The following COL18A1 variants were observed in gnomAD, a reference collection of about 807,000 sequenced individuals.
COL18A1 encodes the protein collagen type XVIII alpha 1 chain, also known as collagen alpha-1(XVIII) chain.
COL18A1 carries 133 observed loss-of-function variants against 168.0 expected under a neutral mutation model. That is an observed-to-expected ratio of 0.79 (90% CI 0.69 to 0.91). COL18A1 has a LOEUF of 0.91. Ranked by LOEUF, COL18A1 falls within the 40% of genes least tolerant of loss-of-function variation. The pLI, the probability that COL18A1 is intolerant of heterozygous loss-of-function variation, is 0.00. For missense variants in COL18A1, 2,126 were observed against 1,925.4 expected, an observed-to-expected ratio of 1.10 and a Z score of -1.95; for synonymous variants, 949 against 809.0, an observed-to-expected ratio of 1.17 and a Z score of -2.94.
At chr21:45,495,820 C>T (rs1408151819) in intron 29 of COL18A1, 9 of 336,408 alleles carry the variant, frequency 2.7e-5, no homozygotes, top group East Asian at 2.3e-4. Context: ...AGCCTGTCCA[C>T]GTGCACACCC....
rs146971379 is a variant in COL18A1 at position 45,504,800 on chromosome 21, G to A, written c.2868+244G>A. On this transcript the variant is annotated intron_variant, in intron 34 of 41. Transcript: ENST00000651438. ...TGGCCTGCCCTCCTGCTGGGGCCAC[G>A]TGCATCCACCTCTGCTCCTGGGCCG... Among the ~76,000 whole-genome samples the A allele has an allele frequency of 2.0e-3, 297 of 152,206 alleles. 1 individual carries two copies. Among genetic ancestry groups the A allele is most frequent in the African/African-American group, 6.7e-3 (277 of 41,508 alleles).
Position 45,425,248 on chromosome 21 carries a change from C to T in COL18A1, c.106+19775C>T. Among the ~76,000 whole-genome samples, 1 of 152,190 alleles carries T rather than the reference C, an allele frequency of 6.6e-6. No individual in the cohort carries two copies. The highest frequency in any genetic ancestry group is 1.9e-4 in the East Asian group (1 of 5,188). On this transcript the variant is annotated intron_variant, in intron 2 of 41. Coordinates refer to ENST00000651438, the MANE Select transcript of COL18A1 (RefSeq NM_001379500.1). The surrounding 1 kb of genome is among the most constrained non-coding windows in gnomAD (Gnocchi z 4.1). ...GTGCAGTGTGACCGCGTCCGCCCGT[C>T]TCCCCGGACACGCCTGTTGGAGCCC...
chr21:45,512,446 A>G lies in COL18A1; in HGVS notation c.*48A>G. On this transcript the variant is annotated 3_prime_UTR_variant, in exon 42 of 42. Transcript: ENST00000651438. ...CGGAGAGGACCGGCGGCTCGGAGGA[A>G]GCCCCCACCGTGGGCAGGGAGCGGC... 1 of 1,575,248 alleles carries G rather than the reference A, an allele frequency of 6.3e-7. No individual in the cohort carries two copies. Among genetic ancestry groups the G allele is most frequent in the Non-Finnish European group, 8.6e-7 (1 of 1,159,812 alleles).
chr21:45,442,688 T>C (rs1372490461), intron 2 of COL18A1, among the ~76,000 whole-genome samples: 5 of 104,886 alleles, frequency 4.8e-5, no homozygotes, highest in African/African-American at 1.9e-4. Flanking sequence ...TGGGCGGTGG[T>C]GGTGCTGGTG....
Position 45,476,388 on chromosome 21 carries a change from C to G in COL18A1, c.836C>G (p.Pro279Arg), listed in dbSNP as rs375411877. ...AAACCCAGGCTCCCCGCGCCACCCC[C>G]CGTCACCACGCCACCCTTGGCTGGA... ...ALKPRLPAPPPVTTPPLAGGS... is the reference protein window; with the variant it reads ...ALKPRLPAPPRVTTPPLAGGS... Residue 279 changes from proline (P) to arginine (R), a missense_variant, in exon 6 of 42, where the codon CCC (proline) becomes CGC (arginine). Pro to Arg is a moderately radical substitution (Grantham distance 103). Coordinates refer to ENST00000651438, the MANE Select transcript of COL18A1 (RefSeq NM_001379500.1). 1.2e-6 allele frequency: 2 copies of G among 1,614,114 alleles called. 1 individual carries two copies. Among genetic ancestry groups the G allele is most frequent in the South Asian group, 2.2e-5 (2 of 91,086 alleles).
At chr21:45,437,005 A>ATCCGT (rs1196189303) in intron 2 of COL18A1, among the ~76,000 whole-genome samples, 2 of 152,042 alleles carry the variant, frequency 1.3e-5, no homozygotes, top group Admixed American at 1.3e-4. Context: ...TGCTGTCTGC[A>ATCCGT]TCCGTTCCTG....
At chr21:45,475,609 T>C (rs1602479494) in intron 5 of COL18A1, 74 bp downstream of exon 5, 1 of 839,172 alleles carries the variant, frequency 1.2e-6, no homozygotes, top group Non-Finnish European at 1.7e-6. Context: ...GGGTGACACA[T>C]GTGCACACGC....
At chr21:45,450,527 C>T (rs1019679994) in intron 2 of COL18A1, among the ~76,000 whole-genome samples, 13 of 152,242 alleles carry the variant, frequency 8.5e-5, no homozygotes, top group Non-Finnish European at 1.5e-4. Flanking sequence ...CCAGTTTCCC[C>T]TGTTCACGTG....
chr21:45,442,609 G>T (rs2034399285), intron 2 of COL18A1, among the ~76,000 whole-genome samples: 1 of 151,448 alleles, frequency 6.6e-6, no homozygotes. Context: ...GCTGGTGTGG[G>T]CGGCGGTCCT....
In COL18A1 at chr21:45,473,993, C is replaced by A; in HGVS notation, c.738+12C>A. 6.3e-7 allele frequency: 1 copy of A among 1,577,508 alleles called. No homozygotes were observed. The highest frequency in any genetic ancestry group is 1.4e-5 in the African/African-American group (1 of 74,050). ...ATGACTCAGATGGGGTGAGTGACAT[C>A]TGGGGCACGGGTGGGGTCTCCCCTC... On this transcript the variant is annotated intron_variant, in intron 4 of 41. Transcript: ENST00000651438. The surrounding 1 kb of genome is among the most constrained non-coding windows in gnomAD (Gnocchi z 4.0).
At chr21:45,418,377 TGG>T (rs1287814752) in intron 2 of COL18A1, among the ~76,000 whole-genome samples, 2 of 152,096 alleles carry the variant, frequency 1.3e-5, no homozygotes, top group Non-Finnish European at 2.9e-5. Context: ...AGCTCAGTGC[TGG>T]GCTCATTCTT....
At chr21:45,475,853 G>A (rs938398245) in intron 5 of COL18A1, among the ~76,000 whole-genome samples, 3 of 152,240 alleles carry the variant, frequency 2.0e-5, no homozygotes, top group Non-Finnish European at 2.9e-5. Context: ...CCGTTAGCTC[G>A]TGCGTGGCCA....
At chr21:45,430,845 C>T (rs970669275) in intron 2 of COL18A1, among the ~76,000 whole-genome samples, 1 of 152,188 alleles carries the variant, frequency 6.6e-6, no homozygotes, top group Non-Finnish European at 1.5e-5. Flanking sequence ...GAGGCTCTGC[C>T]GGCCGTGGTC....
intron 2 of COL18A1, among the ~76,000 whole-genome samples, chr21:45,444,049 C>T (rs984596782): frequency 1.3e-5 from 2 of 152,196 alleles, no homozygotes; most frequent in Non-Finnish European, 2.9e-5. Flanking sequence ...ACGTGCTTCC[C>T]GGCTGCCACG....
chr21:45,506,089 T>C, intron 37 of COL18A1, 123 bp downstream of exon 37: 1 of 1,466,004 alleles, frequency 6.8e-7, no homozygotes, highest in South Asian at 1.1e-5. Flanking sequence ...CCAGCGCTTC[T>C]TAAACTTTCA....
intron 2 of COL18A1, among the ~76,000 whole-genome samples, chr21:45,439,548 T>C (rs868300151): frequency 8.0e-5 from 12 of 149,566 alleles, no homozygotes; most frequent in East Asian, 1.9e-4. Context: ...TGCTGAGAAA[T>C]GCCTGGGCCT....
At chr21:45,507,406 A>G in intron 37 of COL18A1, 155 bp from the exon 38 acceptor site, 2 of 532,852 alleles carry the variant, frequency 3.8e-6, no homozygotes, top group Non-Finnish European at 6.0e-6. Context: ...GTACCCTGGC[A>G]CAGGCTTGGA....
At chr21:45,406,110 C>A (rs995918464) in intron 2 of COL18A1, among the ~76,000 whole-genome samples, 36 of 152,218 alleles carry the variant, frequency 2.4e-4, no homozygotes, top group Non-Finnish European at 1.3e-4. Flanking sequence ...GTGCGCGGGG[C>A]CCGTGGGGAC....
chr21:45,421,750 G>A (rs1386292976), intron 2 of COL18A1: 3 of 385,866 alleles, frequency 7.8e-6, no homozygotes, highest in Non-Finnish European at 1.5e-5. Flanking sequence ...CTCCCAGGCA[G>A]TAGGCAGCCA....
Sources: allele counts gnomAD v4.1 joint callset (sites outside exome capture counted in the v4.1 genomes callset), GRCh38; gene constraint gnomAD v4.1.1; non-coding constraint Gnocchi (gnomAD v3.1); transcripts MANE v1.5; gene names NCBI Gene and HGNC (gene_info 2026-07-23, HGNC 2026-07-21).